The following DNMT3A variants were observed in gnomAD, a reference collection of about 807,000 sequenced individuals.
DNMT3A encodes the protein DNA methyltransferase 3 alpha.
Under a neutral mutation model 117.6 loss-of-function variants are expected in DNMT3A, and 267 were observed. That is an observed-to-expected ratio of 2.27 (90% CI 2.05 to 2.51). The LOEUF (loss-of-function observed/expected upper bound fraction) is 2.51, where lower values mean the gene tolerates loss of function less well. Ranked by LOEUF, DNMT3A falls within the 30% of genes most tolerant of loss-of-function variation. DNMT3A has a pLI of 0.00. For synonymous variants in DNMT3A, 432 were observed against 474.8 expected, an observed-to-expected ratio of 0.91 and a Z score of 1.17; for missense variants, 1,029 against 1,260.2, an observed-to-expected ratio of 0.82 and a Z score of 2.78.
At chr2:25,238,008 CTT>C (rs985566989) in intron 20 of DNMT3A, among the ~76,000 whole-genome samples, 2 of 152,254 alleles carry the variant, frequency 1.3e-5, no homozygotes, top group Non-Finnish European at 2.9e-5. Flanking sequence ...GTCCCCGACT[CTT>C]TATGCGTGCA....
chr2:25,238,513 T>G (rs1213177509), intron 20 of DNMT3A, among the ~76,000 whole-genome samples: 1 of 152,178 alleles, frequency 6.6e-6, no homozygotes, highest in Admixed American at 6.5e-5. Flanking sequence ...AATTGCCAAC[T>G]CTGGACAATT....
In DNMT3A at chr2:25,236,240, A is replaced by G. The variant is rs563306244; in HGVS notation, c.2479-415T>C. On this transcript the variant is annotated intron_variant, in intron 21 of 22. Transcript: ENST00000321117. The surrounding 1 kb of genome is among the most constrained non-coding windows in gnomAD (Gnocchi z 4.5). ...GCCACCATGCCTGGCTAATTTTTAT[A>G]TTTTTAGTCAGACAGGGTTTCACCG... Among the ~76,000 whole-genome samples, 99 of 152,084 alleles carry G rather than the reference A, an allele frequency of 6.5e-4. No homozygotes were observed. The highest frequency in any genetic ancestry group is 1.2e-3 in the Non-Finnish European group (79 of 67,954).
At chr2:25,284,394 C>T (rs2032125179) in intron 3 of DNMT3A, among the ~76,000 whole-genome samples, 2 of 152,044 alleles carry the variant, frequency 1.3e-5, no homozygotes, top group Admixed American at 6.5e-5. Context: ...CGCCTATAAT[C>T]CTAGCACTTT....
intron 6 of DNMT3A, among the ~76,000 whole-genome samples, chr2:25,273,585 G>T (rs1222846867): frequency 1.3e-5 from 2 of 152,120 alleles, no homozygotes; most frequent in Non-Finnish European, 2.9e-5. Flanking sequence ...TTTGTACCCA[G>T]TTCTCTACTA....
At position 25,247,596 on chromosome 2, in the gene DNMT3A, A is replaced by G; in HGVS notation, c.1009T>C (p.Ser337Pro). The change falls in exon 8 of 23, where the codon TCA becomes CCA. Residue 337 changes from serine to proline, a missense_variant. By Grantham distance (74) the Ser-to-Pro change is moderately conservative (BLOSUM62 -1). Coordinates refer to ENST00000321117, the MANE Select transcript of DNMT3A (RefSeq NM_022552.5). The surrounding 1 kb of genome is among the most constrained non-coding windows in gnomAD (Gnocchi z 5.6). ...TGCCAAACCCCACAACTTACCACTG[A>G]GAATTTGCCGTCTCCGAACCACATG... is the stretch of plus-strand genomic sequence containing the variant. ...WVMWFGDGKFSVVCVEKLMPL... is the reference protein window; with the variant it reads ...WVMWFGDGKFPVVCVEKLMPL... 3 of 1,613,854 alleles carry G rather than the reference A, an allele frequency of 1.9e-6. No homozygotes were observed. Among genetic ancestry groups the G allele is most frequent in the Non-Finnish European group, 2.5e-6 (3 of 1,179,916 alleles).
At chr2:25,251,875 T>C (rs975500277) in intron 6 of DNMT3A, 7 of 427,722 alleles carry the variant, frequency 1.6e-5, no homozygotes, top group African/African-American at 4.1e-5. Flanking sequence ...ACCCAACTCC[T>C]GGGCCACCAG....
Position 25,248,192 on chromosome 2 carries a change from C to CG in DNMT3A, c.699dup (p.Gly234ArgfsTer19). ...GCCTCCTCCACCTTCTGAGACTCCC[C>CG]GGGCCCCTGGTTTTCTTCCACAGCA... On this transcript the variant is annotated frameshift_variant, in exon 7 of 23. Coordinates refer to ENST00000321117, the MANE Select transcript of DNMT3A (RefSeq NM_022552.5). LOFTEE classifies it high-confidence loss of function. The CG allele has an allele frequency of 2.5e-6, 4 of 1,613,398 alleles. No homozygotes were observed. Among genetic ancestry groups the CG allele is most frequent in the Non-Finnish European group, 3.4e-6 (4 of 1,179,796 alleles).
intron 3 of DNMT3A, among the ~76,000 whole-genome samples, chr2:25,290,541 C>T (rs1307036323): frequency 6.6e-6 from 1 of 152,174 alleles, no homozygotes; most frequent in Non-Finnish European, 1.5e-5. Flanking sequence ...ATGCTGGTCT[C>T]GAACTCCCAA....
At chr2:25,280,919 G>A (rs1225430297) in intron 4 of DNMT3A, among the ~76,000 whole-genome samples, 1 of 152,204 alleles carries the variant, frequency 6.6e-6, no homozygotes, top group Admixed American at 6.5e-5. Flanking sequence ...GGAATGCCGT[G>A]ACCCTGGGTA....
chr2:25,284,645 TA>T (rs56901099), intron 3 of DNMT3A, among the ~76,000 whole-genome samples: 46 of 16,636 alleles, frequency 2.8e-3, no homozygotes, highest in South Asian at 6.0e-3. Flanking sequence ...AGACTCCATC[TA>T]AAAAAAAAAA....
intron 2 of DNMT3A, among the ~76,000 whole-genome samples, chr2:25,308,658 T>C (rs1424663609): frequency 6.6e-6 from 1 of 151,834 alleles, no homozygotes; most frequent in Non-Finnish European, 1.5e-5. Flanking sequence ...TTAAACATAC[T>C]AAGAAGGATG....
At chr2:25,235,968 G>C in intron 21 of DNMT3A, 143 bp from the exon 22 acceptor site, 2 of 713,078 alleles carry the variant, frequency 2.8e-6, no homozygotes, top group Non-Finnish European at 4.8e-6. Context: ...CTCTGAGTGA[G>C]CAGAGTTCGC....
chr2:25,241,800 G>C, intron 16 of DNMT3A, 93 bp from the exon 17 acceptor site: 1 of 1,522,956 alleles, frequency 6.6e-7, no homozygotes, highest in Non-Finnish European at 8.8e-7. Flanking sequence ...AGGACCCATG[G>C]GGTCAGCTGT....
chr2:25,252,106 T>C lies in DNMT3A; in HGVS notation c.640-3854A>G, dbSNP rs961173447. 6.6e-6 allele frequency: 10 copies of C among 1,511,514 alleles called. No individual in the cohort carries two copies. The highest frequency in any genetic ancestry group is 3.7e-5 in the South Asian group (3 of 81,514). 93.6% of individuals were successfully genotyped at this position (1,511,514 alleles called of 1,614,324 possible). On this transcript the variant is annotated intron_variant, in intron 6 of 22. Coordinates refer to ENST00000321117, the MANE Select transcript of DNMT3A (RefSeq NM_022552.5). This position sits in a 1 kb window ranked among gnomAD's most constrained non-coding sequence, Gnocchi z 5.5. ...GGCCGGGGAGGCATACTTCACTCTT[T>C]TCAAACCCGGAGGGCTGCGGAGATC...
In DNMT3A at chr2:25,339,022, G is replaced by A. The variant is rs989425388; in HGVS notation, c.-178+2804C>T. 2.0e-5 allele frequency among the ~76,000 whole-genome samples: 3 copies of A among 152,034 alleles called. No homozygotes were observed. In the East Asian group the frequency reaches 5.8e-4, roughly 29 times the overall value. The stretch of plus-strand genomic sequence containing the variant: ...TTTTACACCCTCTGCAGAGTCGGAC[G>A]TGACCAACCCGTCTCTTGCAGGGAC... On this transcript the variant is annotated intron_variant, in intron 1 of 22. Coordinates refer to ENST00000321117, the MANE Select transcript of DNMT3A (RefSeq NM_022552.5). This position sits in a 1 kb window ranked among gnomAD's most constrained non-coding sequence, Gnocchi z 4.9.
intron 1 of DNMT3A, 136 bp downstream of exon 1, chr2:25,341,690 C>A: frequency 3.2e-6 from 2 of 621,474 alleles, no homozygotes; most frequent in Non-Finnish European, 4.0e-6. Flanking sequence ...CCCACGGGCG[C>A]CCGGCGCCGA....
chr2:25,281,523 A>C lies in DNMT3A; in HGVS notation c.448+918T>G, dbSNP rs1402658954. ...ACATTAGGTTGGATCCATGCAAAAT[A>C]AGTTACGCCAATTAATCAATTTACT... On this transcript the variant is annotated intron_variant, in intron 4 of 22. Coordinates refer to ENST00000321117, the MANE Select transcript of DNMT3A (RefSeq NM_022552.5). This position sits in a 1 kb window ranked among gnomAD's most constrained non-coding sequence, Gnocchi z 4.8. 10 of 1,059,124 alleles carry C rather than the reference A, an allele frequency of 9.4e-6. No individual in the cohort carries two copies. Among genetic ancestry groups the C allele is most frequent in the Non-Finnish European group, 1.1e-5 (10 of 875,392 alleles). 65.6% of individuals were successfully genotyped at this position (1,059,124 alleles called of 1,614,324 possible).
At chr2:25,246,816 G>C in intron 9 of DNMT3A, 40 bp from the exon 10 acceptor site, 1 of 1,604,966 alleles carries the variant, frequency 6.2e-7, no homozygotes, top group Non-Finnish European at 8.5e-7. Context: ...GTCAGGACAG[G>C]CTGGAAGGCA....
rs945212334 is a variant in DNMT3A at position 25,341,675 on chromosome 2, C to T, written c.-178+151G>A. Among the ~76,000 whole-genome samples, 5 of 146,780 alleles carry T rather than the reference C, an allele frequency of 3.4e-5. No individual in the cohort carries two copies. The South Asian group carries it at 1.0e-3, about 31-fold the overall frequency. ...CGGCCCGCCGTCCCCGCCTGCAGTC[C>T]CGGCCCCACGGGCGCCCGGCGCCGA... On this transcript the variant is annotated intron_variant, in intron 1 of 22. Coordinates refer to ENST00000321117, the MANE Select transcript of DNMT3A (RefSeq NM_022552.5).
Sources: gnomAD v4.1 joint callset for allele counts (sites outside exome capture counted in the v4.1 genomes callset) on GRCh38, gnomAD v4.1.1 for gene constraint, Gnocchi (gnomAD v3.1) non-coding constraint, MANE v1.5 for transcripts, NCBI Gene and HGNC (gene_info 2026-07-23, HGNC 2026-07-21) for gene names.